Variants in CWC27 observed in about 807,000 individuals in gnomAD.
CWC27 encodes spliceosome-associated protein CWC27 homolog.
Under a neutral mutation model 63.6 loss-of-function variants are expected in CWC27, and 47 were observed. The observed-to-expected ratio is 0.74, with a 90% confidence interval of 0.58 to 0.94. The LOEUF is 0.94. Ranked by LOEUF, CWC27 falls within the 40% of genes least tolerant of loss-of-function variation. The pLI is 0.00. For synonymous variants in CWC27, 175 were observed against 179.8 expected (o/e 0.97, Z 0.22); for missense variants, 495 against 554.3 (o/e 0.89, Z 1.07).
chr5:64,802,387 C>CG (rs969774503), intron 9 of CWC27, among the ~76,000 whole-genome samples: 8 of 152,238 alleles, frequency 5.3e-5, no homozygotes, highest in African/African-American at 1.9e-4. Flanking sequence ...TACAGAGCTT[C>CG]ATAGGCCATG....
In CWC27 at chr5:65,018,156, T is replaced by C; in HGVS notation, c.1257-3T>C. On this transcript the variant is annotated splice_region_variant and splice_polypyrimidine_tract_variant and intron_variant, in intron 13 of 13. Transcript: ENST00000381070. Reference sequence around the variant, plus strand: ...TCACTGAACCATCTCTCTCCCTATTTAGGATGTCACATGTACTTCAGTTTG... The same window carrying C: ...TCACTGAACCATCTCTCTCCCTATTCAGGATGTCACATGTACTTCAGTTTG... The C allele has an allele frequency of 6.3e-7, 1 of 1,585,912 alleles. No individual in the cohort carries two copies. Among genetic ancestry groups the C allele is most frequent in the Non-Finnish European group, 8.5e-7 (1 of 1,171,584 alleles).
At chr5:64,963,394 A>T (rs1331909162) in intron 11 of CWC27, among the ~76,000 whole-genome samples, 1 of 152,240 alleles carries the variant, frequency 6.6e-6, no homozygotes, top group Non-Finnish European at 1.5e-5. Context: ...TCAATGACCC[A>T]GTTTATGGCT....
intron 10 of CWC27, chr5:64,807,554 T>C: frequency 6.7e-7 from 1 of 1,486,658 alleles, no homozygotes; most frequent in Non-Finnish European, 8.9e-7. Flanking sequence ...TCTAATCCCT[T>C]GTCTCTTCCC....
intron 13 of CWC27, among the ~76,000 whole-genome samples, chr5:65,010,784 A>C (rs937218624): frequency 3.9e-5 from 6 of 152,230 alleles, no homozygotes; most frequent in African/African-American, 1.4e-4. Flanking sequence ...TAAAGTTAGT[A>C]GTAGTAGAAA....
At chr5:65,004,903 T>TAC (rs1301869526) in intron 13 of CWC27, among the ~76,000 whole-genome samples, 987 of 59,378 alleles carry the variant, frequency 0.017, 1 homozygote, top group South Asian at 0.021. Context: ...TATATATATA[T>TAC]ATACATACAC....
intron 11 of CWC27, among the ~76,000 whole-genome samples, chr5:64,959,688 T>C (rs1333446812): frequency 1.3e-5 from 2 of 152,230 alleles, no homozygotes; most frequent in African/African-American, 4.8e-5. Flanking sequence ...AAAAAGTATT[T>C]GTATGCTAAG....
intron 10 of CWC27, among the ~76,000 whole-genome samples, chr5:64,838,845 G>T (rs928558684): frequency 1.3e-5 from 2 of 152,124 alleles, no homozygotes; most frequent in Admixed American, 6.6e-5. Context: ...ACTTATGTTT[G>T]GATTTAGAAT....
intron 13 of CWC27, among the ~76,000 whole-genome samples, chr5:64,990,965 G>T (rs1228838056): frequency 6.6e-6 from 1 of 152,092 alleles, no homozygotes. Context: ...TGTTTTTAAT[G>T]GAAATAATGT....
At chr5:64,990,761 G>A (rs886439820) in intron 13 of CWC27, among the ~76,000 whole-genome samples, 5 of 152,136 alleles carry the variant, frequency 3.3e-5, no homozygotes, top group African/African-American at 1.2e-4. Context: ...TCCCTAAGAT[G>A]TCATTTAAAC....
intron 10 of CWC27, among the ~76,000 whole-genome samples, chr5:64,880,661 G>T (rs556301008): frequency 1.6e-3 from 235 of 150,074 alleles, no homozygotes; most frequent in African/African-American, 5.4e-3. Context: ...ATTTTATTGG[G>T]TTTTTTTTTA....
At chr5:64,821,218 G>A (rs528670455) in intron 10 of CWC27, among the ~76,000 whole-genome samples, 4 of 151,712 alleles carry the variant, frequency 2.6e-5, no homozygotes, top group African/African-American at 9.7e-5. Flanking sequence ...CCAAGTAGCT[G>A]GGATTACAGG....
intron 10 of CWC27, among the ~76,000 whole-genome samples, chr5:64,843,413 T>C (rs996530100): frequency 6.6e-6 from 1 of 152,332 alleles, no homozygotes; most frequent in Admixed American, 6.5e-5. Flanking sequence ...TGTGGGAGTA[T>C]TGATATTAAC....
intron 2 of CWC27, among the ~76,000 whole-genome samples, chr5:64,781,713 C>T (rs1001168154): frequency 6.6e-6 from 1 of 152,122 alleles, no homozygotes; most frequent in Non-Finnish European, 1.5e-5. Context: ...GAAATAAAAA[C>T]AAGAAGTCAA....
intron 11 of CWC27, among the ~76,000 whole-genome samples, chr5:64,965,334 AGTC>A (rs1339484287): frequency 3.9e-5 from 6 of 152,220 alleles, no homozygotes; most frequent in Non-Finnish European, 8.8e-5. Flanking sequence ...GAGGACAAAA[AGTC>A]AAGTTTTTAT....
intron 10 of CWC27, among the ~76,000 whole-genome samples, chr5:64,883,547 G>A (rs911897909): frequency 2.0e-5 from 3 of 152,086 alleles, no homozygotes; most frequent in Admixed American, 2.0e-4. Flanking sequence ...TGCTAAAATG[G>A]TATATAAGCC....
At chr5:64,782,141 G>T (rs548296062) in intron 3 of CWC27, 108 bp downstream of exon 3, 3 of 561,614 alleles carry the variant, frequency 5.3e-6, no homozygotes, top group East Asian at 6.1e-5. Flanking sequence ...AGGAAAAAAC[G>T]TTTCACATTA....
chr5:64,944,591 C>A (rs1237128028), intron 11 of CWC27, among the ~76,000 whole-genome samples: 1 of 152,158 alleles, frequency 6.6e-6, no homozygotes, highest in Non-Finnish European at 1.5e-5. Flanking sequence ...ATATTTCAAA[C>A]CTGCTCCTCC....
chr5:64,790,307 A>G (rs1700396354), intron 7 of CWC27, among the ~76,000 whole-genome samples: 1 of 152,096 alleles, frequency 6.6e-6, no homozygotes, highest in African/African-American at 2.4e-5. Context: ...TCATTTCCCA[A>G]TTCCTTAACG....
intron 12 of CWC27, among the ~76,000 whole-genome samples, chr5:64,974,832 T>C: frequency 6.6e-6 from 1 of 152,210 alleles, no homozygotes. Context: ...TTTTTCAATA[T>C]TTTTACAGTA....
Sources: allele counts gnomAD v4.1 joint callset (sites outside exome capture counted in the v4.1 genomes callset), GRCh38; gene constraint gnomAD v4.1.1; transcripts MANE v1.5; gene names NCBI Gene and HGNC (gene_info 2026-07-23, HGNC 2026-07-21).